ASPG: variants seen among roughly 807,000 people sequenced by gnomAD.
ASPG encodes the protein asparaginase, also known as 60 kDa lysophospholipase.
A neutral mutation model predicts 63.2 loss-of-function variants in ASPG; 53 were observed. The observed-to-expected ratio is 0.84, with a 90% CI of 0.67 to 1.05. The LOEUF (loss-of-function observed/expected upper bound fraction) is 1.05. ASPG is among the 50% of genes least tolerant of loss of function. The probability of loss-of-function intolerance (pLI) is 0.00; values close to 1 mark genes in which losing one functional copy is unlikely to be tolerated. For missense variants in ASPG, 741 were observed against 794.4 expected, an observed-to-expected ratio of 0.93 and a Z score of 0.81; for synonymous variants, 370 against 355.0, an observed-to-expected ratio of 1.04 and a Z score of -0.48.
At chr14:104,099,441 TG>T (rs1295455776) in intron 6 of ASPG, among the ~76,000 whole-genome samples, 1 of 152,058 alleles carries the variant, frequency 6.6e-6, no homozygotes, top group Admixed American at 6.5e-5. Flanking sequence ...GGCTTCCCCC[TG>T]GGGGGGCCAA....
chr14:104,100,575 C>T (rs11627783), intron 6 of ASPG, among the ~76,000 whole-genome samples: 11,813 of 152,216 alleles, frequency 0.078, 640 homozygotes, highest in East Asian at 0.12. Context: ...CTGTTCCCTC[C>T]TGTCCTGGGC....
At chr14:104,097,415 C>A in intron 4 of ASPG, 139 bp from the exon 5 acceptor site, 1 of 806,182 alleles carries the variant, frequency 1.2e-6, no homozygotes, top group Non-Finnish European at 1.9e-6. Flanking sequence ...TGCTGCAGTC[C>A]AAGCCCGCCT....
At chr14:104,108,775 G>T (rs935605484) in intron 12 of ASPG, 2 of 985,268 alleles carry the variant, frequency 2.0e-6, no homozygotes, top group African/African-American at 3.5e-5. Flanking sequence ...TGTCCCCTGC[G>T]CCTGGCTGAG....
At position 104,114,220 on chromosome 14, in the gene ASPG, C is replaced by G. The variant is rs558354358; in HGVS notation, c.*1676C>G. On this transcript the variant is annotated 3_prime_UTR_variant, in exon 16 of 16. Transcript: ENST00000551177. Reference sequence around the variant, plus strand: ...GCAGGTGCCAACCTGCCAGTGTAGACACACCGACTGATGCCGGGGGTGAGT... The same window carrying G: ...GCAGGTGCCAACCTGCCAGTGTAGAGACACCGACTGATGCCGGGGGTGAGT... 6.6e-6 allele frequency: 1 copy of G among 152,406 alleles called. No homozygotes were observed. The highest frequency in any genetic ancestry group is 2.1e-4 in the South Asian group (1 of 4,828). 9.4% of individuals were successfully genotyped at this position (152,406 alleles called of 1,614,324 possible).
At chr14:104,105,714 C>G (rs953957784) in intron 10 of ASPG, among the ~76,000 whole-genome samples, 3 of 152,170 alleles carry the variant, frequency 2.0e-5, no homozygotes, top group African/African-American at 7.2e-5. Context: ...TGCCTTAGTG[C>G]GGGGCTGCCT....
rs1409207317 is a variant in ASPG, at chr14:104,106,902, T to A, written c.1269+8T>A. Reference sequence around the variant, plus strand: ...CAGGCGCTTGTGGAGCTGGTGAGCCTCCCCCACCCTGGGGGCCCAGCCCCA... The same window carrying A: ...CAGGCGCTTGTGGAGCTGGTGAGCCACCCCCACCCTGGGGGCCCAGCCCCA... On this transcript the variant is annotated splice_region_variant and intron_variant, in intron 11 of 15. Coordinates refer to ENST00000551177, the MANE Select transcript of ASPG (RefSeq NM_001080464.3). 2.6e-6 allele frequency: 4 copies of A among 1,563,472 alleles called. No individual in the cohort carries two copies. Among genetic ancestry groups the A allele is most frequent in the Non-Finnish European group, 3.5e-6 (4 of 1,158,182 alleles).
chr14:104,104,889 G>C (rs2037054217), intron 9 of ASPG, 154 bp downstream of exon 9: 1 of 663,372 alleles, frequency 1.5e-6, no homozygotes, highest in African/African-American at 1.8e-5. Flanking sequence ...CCCTATAGTG[G>C]GGAAGGGCAG....
Position 104,112,553 on chromosome 14 carries a change from C to A in ASPG, c.*9C>A, listed in dbSNP as rs777871908. ...TGCTGCCTGGTGTCTAACCTGAAGG[C>A]GTCCTGCTGCAGTATAAGCCATTCC... On this transcript the variant is annotated 3_prime_UTR_variant, in exon 16 of 16. Coordinates refer to ENST00000551177, the MANE Select transcript of ASPG (RefSeq NM_001080464.3). The A allele has an allele frequency of 7.5e-6, 12 of 1,596,458 alleles. No homozygotes were observed. Among genetic ancestry groups the A allele is most frequent in the South Asian group, 5.5e-5 (5 of 90,246 alleles).
chr14:104,108,006 G>C (rs1482791242), intron 12 of ASPG, among the ~76,000 whole-genome samples: 1 of 152,190 alleles, frequency 6.6e-6, no homozygotes, highest in Admixed American at 6.5e-5. Context: ...GCAGGACCCT[G>C]GGTTCTTTTC....
chr14:104,101,042 A>T (rs1170730871), intron 6 of ASPG, among the ~76,000 whole-genome samples: 1 of 152,122 alleles, frequency 6.6e-6, no homozygotes, highest in Non-Finnish European at 1.5e-5. Context: ...GAGGCTCAAG[A>T]CACACCGGCC....
chr14:104,112,053 G>C, intron 15 of ASPG, 53 bp downstream of exon 15: 1 of 1,501,050 alleles, frequency 6.7e-7, no homozygotes, highest in South Asian at 1.2e-5. Context: ...TTCTAGTGCA[G>C]GGCTGGATCC....
In ASPG at chr14:104,110,133, G is replaced by T. The variant is rs8021758; in HGVS notation, c.1520+818G>T. 1.0e-6 allele frequency: 1 copy of T among 985,240 alleles called. No homozygotes were observed. Among genetic ancestry groups the T allele is most frequent in the Non-Finnish European group, 1.2e-6 (1 of 829,924 alleles). The allele number at this position is 985,240 out of a possible 1,614,324, so 61.0% of individuals were successfully genotyped here. A position where few individuals can be genotyped will look rare whatever the true frequency, so the allele number is the denominator to read the frequency against. On this transcript the variant is annotated intron_variant, in intron 13 of 15. Coordinates refer to ENST00000551177, the MANE Select transcript of ASPG (RefSeq NM_001080464.3). This position sits in a 1 kb window ranked among gnomAD's most constrained non-coding sequence, Gnocchi z 4.7. ...TCCGAGGGACCCAAAAAGGAGAGTC[G>T]GAGGCAGGAGACCTGGGCCGGGTGC...
chr14:104,111,098 T>C (rs1295132105), intron 13 of ASPG: 2 of 985,204 alleles, frequency 2.0e-6, no homozygotes, highest in Admixed American at 1.2e-4. Context: ...GAAACTGGCG[T>C]GGGCTGCTCG....
chr14:104,104,765 C>T (rs1441234387), intron 9 of ASPG, 30 bp downstream of exon 9: 2 of 1,543,694 alleles, frequency 1.3e-6, no homozygotes, highest in African/African-American at 2.7e-5. Flanking sequence ...GTGGGCAACC[C>T]TCGGTGTGCA....
intron 1 of ASPG, among the ~76,000 whole-genome samples, chr14:104,086,061 G>C (rs541487584): frequency 6.6e-6 from 1 of 152,232 alleles, no homozygotes; most frequent in African/African-American, 2.4e-5. Context: ...GTGGGTTCTC[G>C]CCGTCGCGGT....
chr14:104,104,814 G>A (rs544668646), intron 9 of ASPG, 79 bp downstream of exon 9: 65 of 1,212,750 alleles, frequency 5.4e-5, no homozygotes, highest in African/African-American at 1.4e-4. Context: ...TGTCTGGGGC[G>A]ATGCCGGAAG....
chr14:104,095,190 G>A (rs959846086), intron 3 of ASPG, among the ~76,000 whole-genome samples: 3 of 152,170 alleles, frequency 2.0e-5, no homozygotes, highest in Non-Finnish European at 2.9e-5. Flanking sequence ...TTCGAGGCTC[G>A]TGCACCACCA....
At position 104,105,462 on chromosome 14, in the gene ASPG, G is replaced by A; in HGVS notation, c.1173+12G>A. The stretch of plus-strand genomic sequence containing the variant: ...TGAGCGGCAGCCAGGTAATGGCGTG[G>A]GACACGGGCCTGAGTGGCAGCTGGG... On this transcript the variant is annotated intron_variant, in intron 10 of 15. Coordinates refer to ENST00000551177, the MANE Select transcript of ASPG (RefSeq NM_001080464.3). 2 of 1,566,706 alleles carry A rather than the reference G, an allele frequency of 1.3e-6. No individual in the cohort carries two copies. The highest frequency in any genetic ancestry group is 1.7e-6 in the Non-Finnish European group (2 of 1,157,792).
chr14:104,106,472 C>T (rs1157605457), intron 10 of ASPG, among the ~76,000 whole-genome samples: 2 of 152,048 alleles, frequency 1.3e-5, no homozygotes, highest in South Asian at 2.1e-4. Flanking sequence ...CATTCCGTCC[C>T]GACGGCGGTG....
Sources: allele counts gnomAD v4.1 joint callset (sites outside exome capture counted in the v4.1 genomes callset), GRCh38; gene constraint gnomAD v4.1.1; non-coding constraint Gnocchi (gnomAD v3.1); transcripts MANE v1.5; gene names NCBI Gene and HGNC (gene_info 2026-07-23, HGNC 2026-07-21).